The following MTUS1 variants were observed in gnomAD, a reference collection of about 807,000 sequenced individuals.
MTUS1 encodes microtubule associated scaffold protein 1.
Under a neutral mutation model 120.8 loss-of-function variants are expected in MTUS1, and 109 were observed. That is an observed-to-expected ratio of 0.90 (90% CI 0.77 to 1.06). The LOEUF (loss-of-function observed/expected upper bound fraction) is 1.06, where lower values mean the gene tolerates loss of function less well. Ranked by LOEUF, MTUS1 falls within the 50% of genes least tolerant of loss-of-function variation. The pLI, the probability that MTUS1 is intolerant of heterozygous loss-of-function variation, is 0.00. For missense variants in MTUS1, 2,210 were observed against 1,486.3 expected (o/e 1.49, Z -8.01); for synonymous variants, 737 against 550.5 (o/e 1.34, Z -4.74).
chr8:17,743,630 TGAG>T lies in MTUS1; in HGVS notation c.2258_2260del (p.Pro753del). The stretch of plus-strand genomic sequence containing the variant: ...AGAACTGGACACACGCCTGATCCTC[TGAG>T]GAGATACGGCTCGATCAGCACTGGG... On this transcript the variant is annotated inframe_deletion, in exon 3 of 15. Coordinates refer to ENST00000693296, the MANE Select transcript of MTUS1 (RefSeq NM_001363059.2). 1.2e-6 allele frequency: 2 copies of T among 1,614,158 alleles called. No individual in the cohort carries two copies. Among genetic ancestry groups the T allele is most frequent in the Non-Finnish European group, 1.7e-6 (2 of 1,180,028 alleles).
intron 6 of MTUS1, among the ~76,000 whole-genome samples, chr8:17,704,618 C>T (rs147602229): frequency 6.9e-4 from 105 of 152,240 alleles, no homozygotes; most frequent in African/African-American, 2.3e-3. Context: ...TTTATTCCAT[C>T]GGTCTATGTT....
At chr8:17,786,382 A>G (rs922816106) in intron 1 of MTUS1, among the ~76,000 whole-genome samples, 2 of 152,212 alleles carry the variant, frequency 1.3e-5, no homozygotes, top group Non-Finnish European at 2.9e-5. Flanking sequence ...CCCAGGCACC[A>G]TCTCAGATAA....
In MTUS1 at chr8:17,655,908, A is replaced by C; in HGVS notation, c.3063T>G (p.Thr1021=). ...YTREYEKLRD[T]YIEEAEKYKM... ...TGTACTTCTCTGCTTCTTCAATGTA[A>C]GTGTCCCGAAGCTTTTCATACTCCC... Residue 1021 remains threonine, a synonymous_variant, in exon 9 of 15, where the codon ACT becomes ACG. Coordinates refer to ENST00000693296, the MANE Select transcript of MTUS1 (RefSeq NM_001363059.2). 1.2e-6 allele frequency: 2 copies of C among 1,614,202 alleles called. No individual in the cohort carries two copies. The highest frequency in any genetic ancestry group is 1.7e-6 in the Non-Finnish European group (2 of 1,180,034).
intron 1 of MTUS1, among the ~76,000 whole-genome samples, chr8:17,789,451 A>G (rs2051587321): frequency 2.0e-5 from 3 of 152,184 alleles, no homozygotes. Flanking sequence ...GCTGAAATAT[A>G]AAATCTTTAC....
intron 7 of MTUS1, among the ~76,000 whole-genome samples, chr8:17,681,820 T>C (rs2410498): frequency 0.44 from 66,391 of 151,886 alleles, 15,110 homozygotes; most frequent in Middle Eastern, 0.51. Context: ...GTTACGTAAT[T>C]ATAAATTTCC....
intron 1 of MTUS1, among the ~76,000 whole-genome samples, chr8:17,757,501 T>C (rs555557346): frequency 6.6e-6 from 1 of 152,324 alleles, no homozygotes; most frequent in Non-Finnish European, 1.5e-5. Flanking sequence ...CACGAAAGCA[T>C]TTAAATCTAA....
At position 17,801,083 on chromosome 8, in the gene MTUS1, G is replaced by A. The variant is rs1017543118; in HGVS notation, c.-177C>T. 6.6e-6 allele frequency among the ~76,000 whole-genome samples: 1 copy of A among 152,036 alleles called. No individual in the cohort carries two copies. Among genetic ancestry groups the A allele is most frequent in the Non-Finnish European group, 1.5e-5 (1 of 67,986 alleles). On this transcript the variant is annotated 5_prime_UTR_variant, in exon 1 of 15. Coordinates refer to ENST00000693296, the MANE Select transcript of MTUS1 (RefSeq NM_001363059.2). The stretch of plus-strand genomic sequence containing the variant: ...TACCCGCAGCTCCTTCAAGCGCTCC[G>A]GGAGCAAAGACGCAGAGGCGGGGAG...
chr8:17,701,815 C>T (rs1187384297), intron 6 of MTUS1, among the ~76,000 whole-genome samples: 1 of 152,144 alleles, frequency 6.6e-6, no homozygotes, highest in African/African-American at 2.4e-5. Flanking sequence ...TCCCAAAGTG[C>T]TGGGATTACA....
chr8:17,727,405 G>T (rs440237), intron 3 of MTUS1, among the ~76,000 whole-genome samples: 1 of 152,146 alleles, frequency 6.6e-6, no homozygotes, highest in Non-Finnish European at 1.5e-5. Context: ...AAACATCTCA[G>T]TTAAAGAAAA....
rs1377443930 is a variant in MTUS1, at chr8:17,680,258, C to T, written c.2838+4070G>A. Among the ~76,000 whole-genome samples the T allele has an allele frequency of 1.3e-5, 2 of 151,626 alleles. 1 individual carries two copies. Among genetic ancestry groups the T allele is most frequent in the South Asian group, 4.2e-4 (2 of 4,806 alleles). ...GCAGGTGGATCACTTGAGGTGAGGA[C>T]TTTAAGACCAGCCTGGCCAACATGG... On this transcript the variant is annotated intron_variant, in intron 7 of 14. Transcript: ENST00000693296.
intron 1 of MTUS1, among the ~76,000 whole-genome samples, chr8:17,786,404 G>A (rs1355878603): frequency 6.6e-6 from 1 of 152,086 alleles, no homozygotes; most frequent in Non-Finnish European, 1.5e-5. Context: ...AGCTCTTCAA[G>A]GACCCAGGCA....
chr8:17,774,031 C>A (rs1401173457), intron 1 of MTUS1, among the ~76,000 whole-genome samples: 2 of 152,176 alleles, frequency 1.3e-5, no homozygotes, highest in Non-Finnish European at 2.9e-5. Context: ...TCCCTCACCT[C>A]ATTATATGAC....
intron 4 of MTUS1, chr8:17,721,748 T>C (rs746180783): frequency 3.7e-5 from 59 of 1,612,608 alleles, no homozygotes; most frequent in Non-Finnish European, 4.7e-5. Context: ...AAAGGAATTA[T>C]ACAAAGGCTG....
At chr8:17,773,909 C>T (rs17125338) in intron 1 of MTUS1, among the ~76,000 whole-genome samples, 35,194 of 151,964 alleles carry the variant, frequency 0.23, 4,217 homozygotes, top group African/African-American at 0.31. Flanking sequence ...AGGTGGAAGC[C>T]AGGGCCCACA....
rs1487556397 is a variant in MTUS1 at position 17,645,689 on chromosome 8, C to T, written c.*237G>A. On this transcript the variant is annotated 3_prime_UTR_variant, in exon 15 of 15. Transcript: ENST00000693296. ...GTGCTTTGTGCAACAACGTCCGTGT[C>T]GATGCCGAAATCTTTTTTTAAATCT... is the stretch of plus-strand genomic sequence containing the variant. 1.9e-5 allele frequency: 9 copies of T among 479,952 alleles called. No individual in the cohort carries two copies. The highest frequency in any genetic ancestry group is 1.2e-4 in the Admixed American group (3 of 25,622). 29.7% of individuals were successfully genotyped at this position (479,952 alleles called of 1,614,324 possible). A position where few individuals can be genotyped will look rare whatever the true frequency, so the allele number is the denominator to read the frequency against.
intron 3 of MTUS1, among the ~76,000 whole-genome samples, chr8:17,742,308 T>TTTTTTTTTTG (rs2047395874): frequency 6.9e-6 from 1 of 145,280 alleles, no homozygotes; most frequent in Middle Eastern, 3.3e-3. Flanking sequence ...TTTTTTTTTT[T>TTTTTTTTTTG]TTTAGAGATA....
chr8:17,713,171 C>T (rs752300982), intron 6 of MTUS1, 43 bp downstream of exon 6: 16 of 1,479,560 alleles, frequency 1.1e-5, no homozygotes, highest in Non-Finnish European at 1.5e-5. Flanking sequence ...CATAACTTTA[C>T]AAAAAGATTC....
intron 6 of MTUS1, among the ~76,000 whole-genome samples, chr8:17,696,044 A>C (rs1817872036): frequency 6.6e-6 from 1 of 152,232 alleles, no homozygotes; most frequent in African/African-American, 2.4e-5. Flanking sequence ...TTTAGATCAG[A>C]CAAATTATTG....
chr8:17,752,055 A>C (rs552513813), intron 2 of MTUS1, among the ~76,000 whole-genome samples: 1 of 152,110 alleles, frequency 6.6e-6, no homozygotes, highest in African/African-American at 2.4e-5. Context: ...ATCCATTTCA[A>C]CCTGATGATT....
Sources: allele counts gnomAD v4.1 joint callset (sites outside exome capture counted in the v4.1 genomes callset), GRCh38; gene constraint gnomAD v4.1.1; transcripts MANE v1.5; gene names NCBI Gene and HGNC (gene_info 2026-07-23, HGNC 2026-07-21).